THADA: variants seen among roughly 807,000 people sequenced by gnomAD.
THADA encodes the protein THADA armadillo repeat containing.
Under a neutral mutation model 219.8 loss-of-function variants are expected in THADA, and 213 were observed. That is an observed-to-expected ratio of 0.97 (90% CI 0.87 to 1.09). The LOEUF (loss-of-function observed/expected upper bound fraction) is 1.09, where lower values mean the gene tolerates loss of function less well. Ranked by LOEUF, THADA falls within the 50% of genes least tolerant of loss-of-function variation. The pLI is 0.00. For missense variants in THADA, 2,956 were observed against 2,311.3 expected, an observed-to-expected ratio of 1.28 and a Z score of -5.72; for synonymous variants, 1,018 against 828.9, an observed-to-expected ratio of 1.23 and a Z score of -3.92.
At chr2:43,541,409 T>G (rs1695293260) in intron 20 of THADA, 93 bp from the exon 21 acceptor site, 3 of 1,458,554 alleles carry the variant, frequency 2.1e-6, no homozygotes, top group Non-Finnish European at 2.8e-6. Flanking sequence ...CCAAGAATAA[T>G]CTGCTTGAAC....
intron 28 of THADA, among the ~76,000 whole-genome samples, chr2:43,423,481 G>A (rs1469662811): frequency 6.7e-6 from 1 of 149,498 alleles, no homozygotes; most frequent in Non-Finnish European, 1.5e-5. Context: ...CACTCAGGCT[G>A]GAGTGCAGTG....
intron 26 of THADA, among the ~76,000 whole-genome samples, chr2:43,477,842 CTT>C (rs1685723460): frequency 1.3e-5 from 2 of 152,210 alleles, no homozygotes; most frequent in Non-Finnish European, 2.9e-5. Context: ...TCTGATTCAT[CTT>C]TTAATTTTCT....
chr2:43,342,145 G>C (rs1435779897), intron 30 of THADA, among the ~76,000 whole-genome samples: 1 of 152,134 alleles, frequency 6.6e-6, no homozygotes, highest in Admixed American at 6.5e-5. Context: ...AGCCCCAGGA[G>C]GTCAAGGCTA....
intron 31 of THADA, among the ~76,000 whole-genome samples, chr2:43,299,129 G>A (rs551040955): frequency 1.3e-5 from 2 of 151,884 alleles, no homozygotes; most frequent in African/African-American, 4.8e-5. Context: ...AATGAATTCT[G>A]TGTTTAGACT....
At position 43,586,362 on chromosome 2, in the gene THADA, G is replaced by C. The variant is rs369802989; in HGVS notation, c.533+39C>G. ...CTTTGTACAAAGATAATGTACAACT[G>C]CAAGTGTGCACACACAAATGCCAAC... On this transcript the variant is annotated intron_variant, in intron 7 of 37. Transcript: ENST00000405975. 61 of 1,502,446 alleles carry C rather than the reference G, an allele frequency of 4.1e-5. 1 individual carries two copies. Among genetic ancestry groups the C allele is most frequent in the Non-Finnish European group, 4.2e-5 (47 of 1,118,034 alleles). 93.1% of individuals were successfully genotyped at this position (1,502,446 alleles called of 1,614,324 possible).
At chr2:43,339,712 A>G (rs1409187696) in intron 30 of THADA, among the ~76,000 whole-genome samples, 1 of 152,230 alleles carries the variant, frequency 6.6e-6, no homozygotes. Context: ...TTCACTTCTG[A>G]AAAGTTTAAG....
chr2:43,530,608 T>G (rs1032211155), intron 21 of THADA, among the ~76,000 whole-genome samples: 8 of 152,184 alleles, frequency 5.3e-5, no homozygotes, highest in African/African-American at 1.9e-4. Flanking sequence ...TTCCTTAATT[T>G]TTTTCCCAAA....
intron 29 of THADA, among the ~76,000 whole-genome samples, chr2:43,392,462 G>C (rs982845696): frequency 1.3e-5 from 2 of 152,086 alleles, no homozygotes. Flanking sequence ...GTGAAGGATG[G>C]TTGGTTCCAT....
intron 27 of THADA, among the ~76,000 whole-genome samples, chr2:43,428,849 T>C (rs1206482005): frequency 2.0e-5 from 3 of 152,182 alleles, no homozygotes; most frequent in African/African-American, 7.2e-5. Flanking sequence ...TTCCACAGTA[T>C]GAAATGTGAA....
chr2:43,339,692 G>T (rs922792453), intron 30 of THADA, among the ~76,000 whole-genome samples: 6 of 152,122 alleles, frequency 3.9e-5, no homozygotes, highest in Admixed American at 2.6e-4. Flanking sequence ...GGAGAAACTA[G>T]ATAGCCAAAT....
At chr2:43,297,392 C>G (rs764294054) in intron 31 of THADA, among the ~76,000 whole-genome samples, 67 of 96,824 alleles carry the variant, frequency 6.9e-4, no homozygotes, top group Admixed American at 1.1e-3. Flanking sequence ...GCAGCCACCC[C>G]ATCTGGGAAG....
At chr2:43,427,108 C>T (rs905897172) in intron 28 of THADA, among the ~76,000 whole-genome samples, 28 of 152,088 alleles carry the variant, frequency 1.8e-4, no homozygotes, top group Admixed American at 6.5e-4. Context: ...GTACTACAAA[C>T]GTAAAAGAGA....
chr2:43,508,623 C>T (rs376435751), intron 23 of THADA, 25 bp downstream of exon 23: 291 of 1,606,058 alleles, frequency 1.8e-4, no homozygotes, highest in Non-Finnish European at 2.3e-4. Context: ...TATAAACAAA[C>T]AGCTAGGGTC....
chr2:43,509,622 A>T (rs1339708667), intron 22 of THADA, among the ~76,000 whole-genome samples: 2 of 152,204 alleles, frequency 1.3e-5, no homozygotes, highest in African/African-American at 2.4e-5. Flanking sequence ...AGTGAGAATT[A>T]GATCTCTTAG....
chr2:43,358,530 C>T (rs1322360949), intron 29 of THADA, among the ~76,000 whole-genome samples: 4 of 152,294 alleles, frequency 2.6e-5, no homozygotes, highest in East Asian at 3.9e-4. Flanking sequence ...TCTAATGTTG[C>T]CTCCTCTGCA....
intron 26 of THADA, among the ~76,000 whole-genome samples, chr2:43,480,898 T>TAGGG (rs1686135337): frequency 6.6e-6 from 1 of 151,816 alleles, no homozygotes; most frequent in African/African-American, 2.4e-5. Flanking sequence ...TTTGGCCAAA[T>TAGGG]AGGGCTTGCT....
intron 26 of THADA, among the ~76,000 whole-genome samples, chr2:43,451,874 AGGC>A (rs1558782705): frequency 6.6e-6 from 1 of 152,204 alleles, no homozygotes; most frequent in Non-Finnish European, 1.5e-5. Flanking sequence ...CGGGAGGCTG[AGGC>A]AGGTCAATCA....
At chr2:43,433,651 A>T (rs1481808832) in intron 26 of THADA, among the ~76,000 whole-genome samples, 2 of 152,158 alleles carry the variant, frequency 1.3e-5, no homozygotes, top group Non-Finnish European at 2.9e-5. Context: ...CAATAAAAAC[A>T]GTAATTGTGT....
intron 31 of THADA, among the ~76,000 whole-genome samples, chr2:43,295,988 C>T (rs371894580): frequency 1.3e-4 from 19 of 148,552 alleles, no homozygotes; most frequent in East Asian, 4.0e-4. Context: ...GGTGCGATCT[C>T]GGCTCACTGC....
Sources: allele counts gnomAD v4.1 joint callset (sites outside exome capture counted in the v4.1 genomes callset), GRCh38; gene constraint gnomAD v4.1.1; transcripts MANE v1.5; gene names NCBI Gene and HGNC (gene_info 2026-07-23, HGNC 2026-07-21).